Variants in ICA1 observed in about 807,000 individuals in gnomAD.
ICA1 encodes islet cell autoantigen 1.
Under a neutral mutation model 71.0 loss-of-function variants are expected in ICA1, and 40 were observed. The ratio of observed to expected loss-of-function variants is 0.56; its 90% CI spans 0.44 to 0.73. The LOEUF (loss-of-function observed/expected upper bound fraction) is 0.73, where lower values mean the gene tolerates loss of function less well. Among genes scored for constraint, ICA1 ranks in the 30% least tolerant of loss-of-function variants. The pLI is 0.00. For missense variants in ICA1, 578 were observed against 576.5 expected (o/e 1.00, Z -0.03); for synonymous variants, 207 against 209.5 (o/e 0.99, Z 0.10).
chr7:8,228,937 T>G (rs1300321720), intron 3 of ICA1, among the ~76,000 whole-genome samples: 4 of 152,152 alleles, frequency 2.6e-5, no homozygotes, highest in African/African-American at 9.7e-5. Context: ...TCTACTGAAA[T>G]AATAGCTGAA....
At chr7:8,208,885 G>C (rs1792599037) in intron 6 of ICA1, among the ~76,000 whole-genome samples, 1 of 152,176 alleles carries the variant, frequency 6.6e-6, no homozygotes, top group South Asian at 2.1e-4. Flanking sequence ...AGTCATCCAA[G>C]AGATTCAAGC....
At chr7:8,147,151 C>G (rs1273898751) in intron 8 of ICA1, among the ~76,000 whole-genome samples, 2 of 152,110 alleles carry the variant, frequency 1.3e-5, no homozygotes, top group Non-Finnish European at 2.9e-5. Flanking sequence ...ACAGCGCTTG[C>G]CTAAACCCCT....
At chr7:8,118,043 C>T (rs1410206709) in intron 13 of ICA1, among the ~76,000 whole-genome samples, 1 of 152,180 alleles carries the variant, frequency 6.6e-6, no homozygotes, top group East Asian at 1.9e-4. Flanking sequence ...AAATATATGA[C>T]TATTGCATTA....
chr7:8,193,449 G>T lies in ICA1; in HGVS notation c.579+24856C>A, dbSNP rs373414429. ...TCTGCTCAATCCTGGAATGCACGAA[G>T]AATAGTTTCAGAACTGCTAACCTAT... On this transcript the variant is annotated intron_variant, in intron 6 of 13. Coordinates refer to ENST00000402384, the MANE Select transcript of ICA1 (RefSeq NM_001136020.3). Among the ~76,000 whole-genome samples, 111 of 152,304 alleles carry T rather than the reference G, an allele frequency of 7.3e-4. 1 individual carries two copies. In the South Asian group the frequency reaches 0.022, roughly 30 times the overall value.
intron 6 of ICA1, among the ~76,000 whole-genome samples, chr7:8,163,328 G>A (rs1804615437): frequency 6.6e-6 from 1 of 152,208 alleles, no homozygotes; most frequent in Non-Finnish European, 1.5e-5. Context: ...CCAATAATAT[G>A]ACAGTAGTTT....
intron 8 of ICA1, among the ~76,000 whole-genome samples, chr7:8,153,703 A>T (rs1490583249): frequency 6.6e-6 from 1 of 152,006 alleles, no homozygotes; most frequent in Non-Finnish European, 1.5e-5. Context: ...TAGAAAAGTG[A>T]CCATGTTTTC....
intron 3 of ICA1, among the ~76,000 whole-genome samples, 158 bp downstream of exon 3, chr7:8,232,432 C>T (rs1238482696): frequency 2.0e-5 from 3 of 152,150 alleles, no homozygotes; most frequent in Non-Finnish European, 4.4e-5. Context: ...TGAGAATTTG[C>T]AGGTTTTAAT....
chr7:8,128,999 T>A (rs1790405069), intron 12 of ICA1, among the ~76,000 whole-genome samples: 1 of 152,184 alleles, frequency 6.6e-6, no homozygotes, highest in Non-Finnish European at 1.5e-5. Context: ...GAAATACACT[T>A]TAAACCTAAT....
At chr7:8,259,393 A>C (rs547774963) in intron 1 of ICA1, among the ~76,000 whole-genome samples, 1 of 152,280 alleles carries the variant, frequency 6.6e-6, no homozygotes, top group East Asian at 1.9e-4. Flanking sequence ...TGCACCCCCC[A>C]ACTTCAGAGA....
chr7:8,180,786 T>C (rs1781973024), intron 6 of ICA1, among the ~76,000 whole-genome samples: 1 of 152,024 alleles, frequency 6.6e-6, no homozygotes, highest in South Asian at 2.1e-4. Context: ...GTCAAGTATC[T>C]GCTCAAATGC....
In ICA1 at chr7:8,146,759, G is replaced by GTGTGTT. The variant is rs1554289546; in HGVS notation, c.805-2793_805-2788dup. Among the ~76,000 whole-genome samples, 3 of 150,778 alleles carry GTGTGTT rather than the reference G, an allele frequency of 2.0e-5. No homozygotes were observed. In the South Asian group the frequency reaches 6.4e-4, roughly 32 times the overall value. On this transcript the variant is annotated intron_variant, in intron 8 of 13. Transcript: ENST00000402384. ...TGCGTGTGCGTGTGTGTGTGTGTGTGTGTGTTTAGTATATGTGCAGCCAGG... is the reference window on the plus strand; with the variant it reads ...TGCGTGTGCGTGTGTGTGTGTGTGTGTGTGTTTGTGTTTAGTATATGTGCAGCCAGG...
chr7:8,129,377 A>ATT (rs1790569854), intron 12 of ICA1, among the ~76,000 whole-genome samples: 10 of 146,822 alleles, frequency 6.8e-5, no homozygotes, highest in African/African-American at 2.2e-4. Flanking sequence ...CTTTTTTTTT[A>ATT]AAAAAAAAAA....
intron 1 of ICA1, among the ~76,000 whole-genome samples, chr7:8,238,463 C>T (rs766069395): frequency 9.2e-5 from 14 of 152,146 alleles, no homozygotes; most frequent in Non-Finnish European, 1.8e-4. Flanking sequence ...GTCTTTTGCC[C>T]ATTTTTAAAT....
Position 8,232,573 on chromosome 7 carries a change from A to G in ICA1, c.183+17T>C. On this transcript the variant is annotated intron_variant, in intron 3 of 13. Transcript: ENST00000402384. ...GCAAGGTGGCTGTGTTGGGGCTGACAGCAATAAAGAGCTCACCTCTAGCTT... is the reference window on the plus strand; with the variant it reads ...GCAAGGTGGCTGTGTTGGGGCTGACGGCAATAAAGAGCTCACCTCTAGCTT... The G allele has an allele frequency of 6.3e-7, 1 of 1,594,124 alleles. No individual in the cohort carries two copies. Among genetic ancestry groups the G allele is most frequent in the Middle Eastern group, 1.7e-4 (1 of 6,008 alleles).
intron 3 of ICA1, 111 bp downstream of exon 3, chr7:8,232,479 T>C: frequency 1.1e-6 from 1 of 870,802 alleles, no homozygotes; most frequent in Non-Finnish European, 1.6e-6. Context: ...ATCCTAGATT[T>C]TCCTCATTTT....
chr7:8,153,332 C>A (rs1800286220), intron 8 of ICA1, among the ~76,000 whole-genome samples: 1 of 152,112 alleles, frequency 6.6e-6, no homozygotes, highest in Admixed American at 6.5e-5. Context: ...AATACAAATG[C>A]AGGAGGACAG....
At chr7:8,121,809 C>G (rs1022074179) in intron 13 of ICA1, among the ~76,000 whole-genome samples, 4 of 152,068 alleles carry the variant, frequency 2.6e-5, no homozygotes, top group African/African-American at 9.7e-5. Flanking sequence ...GATGAACACC[C>G]CATTTACCCT....
chr7:8,128,247 T>A lies in ICA1; in HGVS notation c.1061-105A>T, dbSNP rs946075346. The A allele has an allele frequency of 4.4e-6, 5 of 1,135,884 alleles. No individual in the cohort carries two copies. The African/African-American group carries it at 4.7e-5, about 11-fold the overall frequency. The allele number at this position is 1,135,884 out of a possible 1,614,324, so 70.4% of individuals were successfully genotyped here. A position where few individuals can be genotyped will look rare whatever the true frequency, so the allele number is the denominator to read the frequency against. ...GGGGAGACTGGTTGATGGCTAGATTTAAGAAAAATGTCATCAAAATATAAG... is the reference window on the plus strand; with the variant it reads ...GGGGAGACTGGTTGATGGCTAGATTAAAGAAAAATGTCATCAAAATATAAG... On this transcript the variant is annotated intron_variant, in intron 12 of 13. Coordinates refer to ENST00000402384, the MANE Select transcript of ICA1 (RefSeq NM_001136020.3).
At chr7:8,170,557 T>G (rs995953394) in intron 6 of ICA1, among the ~76,000 whole-genome samples, 3 of 152,032 alleles carry the variant, frequency 2.0e-5, no homozygotes, top group African/African-American at 7.2e-5. Flanking sequence ...TTTGTTAAAT[T>G]TATTGTTAAA....
Sources: allele counts gnomAD v4.1 joint callset (sites outside exome capture counted in the v4.1 genomes callset), GRCh38; gene constraint gnomAD v4.1.1; transcripts MANE v1.5; gene names NCBI Gene and HGNC (gene_info 2026-07-23, HGNC 2026-07-21).